Variants in C1GALT1C1 observed in about 807,000 individuals in gnomAD.
The protein encoded by C1GALT1C1 is C1GALT1-specific chaperone 1.
For missense variants in C1GALT1C1, 176 were observed against 234.7 expected (o/e 0.75, Z 1.63); for synonymous variants, 77 against 77.9 (o/e 0.99, Z 0.06).
intron 1 of C1GALT1C1, among the ~76,000 whole-genome samples, chrX:120,628,248 T>A (rs955398810): frequency 9.0e-6 from 1 of 111,617 alleles, no homozygotes; most frequent in Non-Finnish European, 1.9e-5. Context: ...TCAGAAAAAA[T>A]AAATAAATAA....
intron 1 of C1GALT1C1, among the ~76,000 whole-genome samples, chrX:120,629,455 G>A (rs1283200162): frequency 9.0e-6 from 1 of 111,213 alleles, no homozygotes; most frequent in Non-Finnish European, 1.9e-5. Context: ...AACTCAGTAA[G>A]TCTACACATT....
chrX:120,625,806 T>G lies in C1GALT1C1; in HGVS notation c.*404A>C. 1 of 119,567 alleles carries G rather than the reference T, an allele frequency of 8.4e-6. No homozygotes were observed. The highest frequency in any genetic ancestry group is 1.7e-5 in the Non-Finnish European group (1 of 57,798). 9.9% of individuals were successfully genotyped at this position (119,567 alleles called of 1,213,427 possible). ...GTAAAGGGAACACACAGCTAAAAGT[T>G]TTACTTTAATCACAAATTCACAACT... On this transcript the variant is annotated 3_prime_UTR_variant, in exon 2 of 2. Coordinates refer to ENST00000304661, the MANE Select transcript of C1GALT1C1 (RefSeq NM_001011551.3).
Position 120,626,851 on chromosome X carries a change from T to C in C1GALT1C1, c.316A>G (p.Lys106Glu). ...KAEFFSSENV[K>E]VFESINMDTN... ...TCCATATTAATTGACTCAAACACTT[T>C]AACATTTTCAGAACTGAAGAACTCT... The change falls in exon 2 of 2, where the codon AAA becomes GAA. Residue 106 changes from lysine to glutamate, a missense_variant. Transcript: ENST00000304661. 1 of 1,211,296 alleles carries C rather than the reference T, an allele frequency of 8.3e-7. No homozygotes were observed. Among genetic ancestry groups the C allele is most frequent in the East Asian group, 3.0e-5 (1 of 33,838 alleles).
At position 120,626,985 on chromosome X, in the gene C1GALT1C1, A is replaced by G; in HGVS notation, c.182T>C (p.Met61Thr). ...DILKISEDERMELSKSFRVYC... is the reference protein window; with the variant it reads ...DILKISEDERTELSKSFRVYC... ...TACTCGAAAGCTCTTACTGAGCTCC[A>G]TGCGCTCATCCTCTGAAATTTTCAA... is the stretch of plus-strand genomic sequence containing the variant. The change falls in exon 2 of 2, where the codon ATG (methionine) becomes ACG (threonine). Residue 61 changes from methionine (M) to threonine (T), a missense_variant. Transcript: ENST00000304661. The G allele has an allele frequency of 1.7e-6, 2 of 1,211,069 alleles. No individual in the cohort carries two copies. Among genetic ancestry groups the G allele is most frequent in the Non-Finnish European group, 2.2e-6 (2 of 895,234 alleles).
chrX:120,626,551 T>C lies in C1GALT1C1; in HGVS notation c.616A>G (p.Lys206Glu). 1 of 1,211,945 alleles carries C rather than the reference T, an allele frequency of 8.3e-7. No homozygotes were observed. The highest frequency in any genetic ancestry group is 1.1e-6 in the Non-Finnish European group (1 of 895,412). Residue 206 changes from lysine (K) to glutamate (E), a missense_variant, in exon 2 of 2, where the codon AAG becomes GAG. Physicochemically the swap from Lys to Glu is moderately conservative, Grantham distance 56. Transcript: ENST00000304661. ...ATCATCCCTCCCTGTTCAGGACACT[T>C]TTCTGGGATATTGAGAAGGCTGTTA... The part of the protein sequence containing the change: ...RLNSLLNIPE[K>E]CPEQGGMIWK...
chrX:120,629,286 C>A (rs1174687812), intron 1 of C1GALT1C1, among the ~76,000 whole-genome samples: 1 of 110,301 alleles, frequency 9.1e-6, no homozygotes, highest in Non-Finnish European at 1.9e-5. Flanking sequence ...CAGGTGCACT[C>A]TAAGATTAAT....
intron 1 of C1GALT1C1, among the ~76,000 whole-genome samples, chrX:120,629,292 T>G (rs1413275044): frequency 1.8e-5 from 2 of 110,394 alleles, no homozygotes; most frequent in African/African-American, 6.6e-5. Flanking sequence ...CACTCTAAGA[T>G]TAATTTATAT....
At chrX:120,627,546 A>T in intron 1 of C1GALT1C1, 1 of 120,781 alleles carries the variant, frequency 8.3e-6, no homozygotes, top group Non-Finnish European at 1.7e-5. Flanking sequence ...AAATATAGTG[A>T]ACTTTTACAC....
chrX:120,626,361 C>T lies in C1GALT1C1; in HGVS notation c.806G>A (p.Gly269Asp). The T allele has an allele frequency of 2.5e-6, 3 of 1,212,179 alleles. No individual in the cohort carries two copies. Among genetic ancestry groups the T allele is most frequent in the Non-Finnish European group, 3.4e-6 (3 of 895,477 alleles). Residue 269 changes from glycine (G) to aspartate (D), a missense_variant, in exon 2 of 2, where the codon GGC becomes GAC. Gly to Asp is a moderately conservative substitution (Grantham distance 94, BLOSUM62 -1). Coordinates refer to ENST00000304661, the MANE Select transcript of C1GALT1C1 (RefSeq NM_001011551.3). ...MTYHPNQVVE[G>D]CCSDMAVTFN... is the part of the protein sequence containing the mutation. ...AGTAACAGCCATATCTGAACAACAG[C>T]CTTCTACTACCTGGTTGGGGTGATA...
intron 1 of C1GALT1C1, 143 bp from the exon 2 acceptor site, chrX:120,627,314 T>C (rs948707678): frequency 1.8e-5 from 7 of 394,373 alleles, no homozygotes; most frequent in Non-Finnish European, 2.9e-5. Context: ...GTTAGTTGCA[T>C]ATAGTACAAA....
rs1569409267 is a variant in C1GALT1C1, at chrX:120,629,462, C to T, written c.-6+455G>A. 1.8e-5 allele frequency among the ~76,000 whole-genome samples: 2 copies of T among 111,276 alleles called. 1 individual carries two copies. Among genetic ancestry groups the T allele is most frequent in the East Asian group, 5.6e-4 (2 of 3,550 alleles). ...GTGATCAAAACTCAGTAAGTCTACA[C>T]ATTTTAAATAAAATAATTTGCAAAA... is the stretch of plus-strand genomic sequence containing the variant. On this transcript the variant is annotated intron_variant, in intron 1 of 1. Coordinates refer to ENST00000304661, the MANE Select transcript of C1GALT1C1 (RefSeq NM_001011551.3).
Position 120,629,201 on chromosome X carries a change from G to A in C1GALT1C1, c.-6+716C>T, listed in dbSNP as rs748274746. ...AGCCAAGATCGCACCACAGCACTCC[G>A]GCCTGGGCAACAAGAGCGAGACTCT... is the stretch of plus-strand genomic sequence containing the variant. On this transcript the variant is annotated intron_variant, in intron 1 of 1. Coordinates refer to ENST00000304661, the MANE Select transcript of C1GALT1C1 (RefSeq NM_001011551.3). 7.3e-3 allele frequency among the ~76,000 whole-genome samples: 790 copies of A among 108,090 alleles called. 8 individuals are homozygous for A. The highest frequency in any genetic ancestry group is 0.026 in the African/African-American group (758 of 29,556). The allele number at this position is 108,090 out of a possible 115,157, so 93.9% of individuals were successfully genotyped here.
In C1GALT1C1 at chrX:120,626,576, A is replaced by G. The variant is rs779799135; in HGVS notation, c.591T>C (p.Leu197=). 3 of 1,211,123 alleles carry G rather than the reference A, an allele frequency of 2.5e-6. No individual in the cohort carries two copies. The Admixed American group carries it at 6.5e-5, about 26-fold the overall frequency. ...TTTCTGGGATATTGAGAAGGCTGTT[A>G]AGTCTTTTCATTGATTCTACACTTA... ...IVLSVESMKR[L]NSLLNIPEKC... The change falls in exon 2 of 2, where the codon CTT becomes CTC. Residue 197 remains leucine (L), a synonymous_variant. Coordinates refer to ENST00000304661, the MANE Select transcript of C1GALT1C1 (RefSeq NM_001011551.3).
rs186603233 is a variant in C1GALT1C1, at chrX:120,626,726, C to T, written c.441G>A (p.Thr147=). The T allele has an allele frequency of 2.5e-5, 30 of 1,209,729 alleles. No individual in the cohort carries two copies. In the Admixed American group the frequency reaches 5.0e-4, roughly 20 times the overall value. Residue 147 remains threonine (T), a synonymous_variant, in exon 2 of 2, where the codon ACG becomes ACA. Coordinates refer to ENST00000304661, the MANE Select transcript of C1GALT1C1 (RefSeq NM_001011551.3). ...YNWFFLARPT[T]FAIIENLKYF... Reference sequence around the variant, plus strand: ...ACTTTAGGTTTTCAATGATAGCAAACGTAGTGGGGCGTGCAAGGAAGAACC... The same window carrying T: ...ACTTTAGGTTTTCAATGATAGCAAATGTAGTGGGGCGTGCAAGGAAGAACC...
At chrX:120,629,419 C>T (rs149179774) in intron 1 of C1GALT1C1, among the ~76,000 whole-genome samples, 3,770 of 111,241 alleles carry the variant, frequency 0.034, 67 homozygotes, top group Middle Eastern at 0.055. Flanking sequence ...GGTGATCCTA[C>T]TCCTGGCTGC....
intron 1 of C1GALT1C1, among the ~76,000 whole-genome samples, chrX:120,629,198 T>C: frequency 9.5e-6 from 1 of 105,518 alleles, no homozygotes; most frequent in Non-Finnish European, 1.9e-5. Flanking sequence ...ACCACAGCAC[T>C]CCGGCCTGGG....
chrX:120,626,307 T>C lies in C1GALT1C1; in HGVS notation c.860A>G (p.His287Arg), dbSNP rs1457793759. Residue 287 changes from histidine to arginine, a missense_variant, in exon 2 of 2, where the codon CAT becomes CGT. By Grantham distance (29) the His-to-Arg change is conservative. Coordinates refer to ENST00000304661, the MANE Select transcript of C1GALT1C1 (RefSeq NM_001011551.3). ...TFNGLTPNQM[H>R]VMMYGVYRLR... ...GCGGTATACCCCATACATCATCACA[T>C]GCATCTGATTTGGAGTCAGTCCATT... 1 of 1,211,357 alleles carries C rather than the reference T, an allele frequency of 8.3e-7. No individual in the cohort carries two copies. The highest frequency in any genetic ancestry group is 1.1e-6 in the Non-Finnish European group (1 of 895,453).
chrX:120,629,128 G>A (rs1293211310), intron 1 of C1GALT1C1, among the ~76,000 whole-genome samples: 1 of 109,849 alleles, frequency 9.1e-6, no homozygotes, highest in African/African-American at 3.3e-5. Context: ...TCAGGAGGCT[G>A]AGGCAGGAGA....
intron 1 of C1GALT1C1, among the ~76,000 whole-genome samples, chrX:120,629,279 G>C (rs775216434): frequency 9.1e-6 from 1 of 110,357 alleles, no homozygotes; most frequent in East Asian, 2.8e-4. Context: ...GAATTGTCAG[G>C]TGCACTCTAA....
Sources: allele counts gnomAD v4.1 joint callset (sites outside exome capture counted in the v4.1 genomes callset), GRCh38; gene constraint gnomAD v4.1.1; transcripts MANE v1.5; gene names NCBI Gene and HGNC (gene_info 2026-07-23, HGNC 2026-07-21).